Variants in PMFBP1 observed in about 807,000 individuals in gnomAD.
PMFBP1 encodes polyamine-modulated factor 1-binding protein 1.
A neutral mutation model predicts 137.8 loss-of-function variants in PMFBP1; 131 were observed. That is an observed-to-expected ratio of 0.95 (90% CI 0.82 to 1.10). PMFBP1 has a LOEUF of 1.10. Among genes scored for constraint, PMFBP1 ranks in the 50% least tolerant of loss-of-function variants. The pLI, the probability that PMFBP1 is intolerant of heterozygous loss-of-function variation, is 0.00. For synonymous variants in PMFBP1, 490 were observed against 450.4 expected, an observed-to-expected ratio of 1.09 and a Z score of -1.11; for missense variants, 1,199 against 1,175.4, an observed-to-expected ratio of 1.02 and a Z score of -0.29.
At chr16:72,141,233 G>A (rs918414593) in intron 5 of PMFBP1, among the ~76,000 whole-genome samples, 2 of 152,052 alleles carry the variant, frequency 1.3e-5, no homozygotes, top group Non-Finnish European at 1.5e-5. Flanking sequence ...TACCACATCC[G>A]GTGGACAAAT....
At chr16:72,169,697 AG>A (rs767144708) in intron 2 of PMFBP1, among the ~76,000 whole-genome samples, 16 of 152,052 alleles carry the variant, frequency 1.1e-4, no homozygotes, top group Non-Finnish European at 2.2e-4. Context: ...ACACACACAC[AG>A]ATTAACAAAT....
At chr16:72,233,864 T>C in the PMFBP1 span, among the ~76,000 whole-genome samples, 12 of 152,300 alleles carry the variant, frequency 7.9e-5, no homozygotes, top group African/African-American at 2.9e-4. Context: ...CTTCTTTCAC[T>C]TAGCATGATG....
intron 7 of PMFBP1, among the ~76,000 whole-genome samples, chr16:72,137,500 C>T (rs1020984478): frequency 6.6e-6 from 1 of 152,148 alleles, no homozygotes; most frequent in Non-Finnish European, 1.5e-5. Context: ...GGGCTGGCCT[C>T]CCTGCGAAGG....
chr16:72,200,483 TG>T, the PMFBP1 span, among the ~76,000 whole-genome samples: 1 of 152,196 alleles, frequency 6.6e-6, no homozygotes. Context: ...GTAGACAGTG[TG>T]GCCTTCTGGA....
chr16:72,200,133 A>G, the PMFBP1 span, among the ~76,000 whole-genome samples: 318 of 152,344 alleles, frequency 2.1e-3, no homozygotes, highest in South Asian at 4.3e-3. Context: ...GGCCTTTGCC[A>G]AACAGGCTCA....
the PMFBP1 span, among the ~76,000 whole-genome samples, chr16:72,193,713 A>C: frequency 1.5e-5 from 2 of 135,034 alleles, no homozygotes; most frequent in African/African-American, 2.9e-5. Flanking sequence ...AACTGACTTT[A>C]TATCAGTGAG....
the PMFBP1 span, among the ~76,000 whole-genome samples, chr16:72,234,305 T>A: frequency 6.6e-6 from 1 of 152,114 alleles, no homozygotes; most frequent in African/African-American, 2.4e-5. Flanking sequence ...GTGCACAAAC[T>A]ATCTGGGACT....
the PMFBP1 span, among the ~76,000 whole-genome samples, chr16:72,192,293 A>G: frequency 6.6e-6 from 1 of 152,184 alleles, no homozygotes; most frequent in East Asian, 1.9e-4. Context: ...GAAAACACAC[A>G]CATTTCCTCA....
intron 7 of PMFBP1, 148 bp from the exon 8 acceptor site, chr16:72,136,967 G>A: frequency 2.8e-6 from 3 of 1,054,948 alleles, no homozygotes; most frequent in Non-Finnish European, 1.4e-6. Context: ...TGTGCGGAGT[G>A]ACTGCTAATG....
At chr16:72,125,039 G>T in intron 16 of PMFBP1, 105 bp from the exon 17 acceptor site, 1 of 1,450,326 alleles carries the variant, frequency 6.9e-7, no homozygotes, top group Non-Finnish European at 9.4e-7. Context: ...ACGTGTTGGG[G>T]GTATTTTCTT....
chr16:72,120,106 A>G lies in PMFBP1; in HGVS notation c.2769-17T>C, dbSNP rs773350992. 1.6e-5 allele frequency: 26 copies of G among 1,613,988 alleles called. No homozygotes were observed. Among genetic ancestry groups the G allele is most frequent in the Non-Finnish European group, 1.7e-5 (20 of 1,180,034 alleles). On this transcript the variant is annotated splice_polypyrimidine_tract_variant and intron_variant, in intron 19 of 20. Coordinates refer to ENST00000237353, the MANE Select transcript of PMFBP1 (RefSeq NM_031293.3). ...TGGAGGTGGCTGTGGGAAGGAGAGG[A>G]AGGACGGGTTGTGTTGGGGCTGCTG...
At chr16:72,145,242 CAACTGCATGGA>C (rs1465960253) in intron 5 of PMFBP1, among the ~76,000 whole-genome samples, 2 of 152,176 alleles carry the variant, frequency 1.3e-5, no homozygotes, top group Admixed American at 6.5e-5. Flanking sequence ...CAAAACCGCA[CAACTGCATGGA>C]AACTGAACAA....
chr16:72,132,875 T>C lies in PMFBP1; in HGVS notation c.1320A>G (p.Glu440=), dbSNP rs754894761. 3 of 1,614,206 alleles carry C rather than the reference T, an allele frequency of 1.9e-6. No individual in the cohort carries two copies. Among genetic ancestry groups the C allele is most frequent in the Non-Finnish European group, 2.5e-6 (3 of 1,180,042 alleles). The change falls in exon 10 of 21, where the codon GAA becomes GAG. Residue 440 remains glutamate (E), a synonymous_variant. Coordinates refer to ENST00000237353, the MANE Select transcript of PMFBP1 (RefSeq NM_031293.3). Reference sequence around the variant, plus strand: ...TAGCCTCCTTGACTGTCATTTCAAGTTCTGTGGCCATGCACTGCTGCTTCT... The same window carrying C: ...TAGCCTCCTTGACTGTCATTTCAAGCTCTGTGGCCATGCACTGCTGCTTCT... ...ELEKQQCMAT[E]LEMTVKEAKQ...
At chr16:72,229,357 T>G in the PMFBP1 span, among the ~76,000 whole-genome samples, 4 of 152,150 alleles carry the variant, frequency 2.6e-5, no homozygotes, top group African/African-American at 9.7e-5. Flanking sequence ...TTATATTCCT[T>G]TGGGTATGTA....
the PMFBP1 span, among the ~76,000 whole-genome samples, chr16:72,213,464 T>C: frequency 6.6e-6 from 1 of 152,196 alleles, no homozygotes; most frequent in African/African-American, 2.4e-5. Flanking sequence ...GAGAGGCCCA[T>C]GTGACAAGAA....
At chr16:72,246,171 G>A in the PMFBP1 span, among the ~76,000 whole-genome samples, 1 of 152,172 alleles carries the variant, frequency 6.6e-6, no homozygotes, top group East Asian at 1.9e-4. Flanking sequence ...AACAGTATAT[G>A]GTAACAGACA....
At position 72,123,557 on chromosome 16, in the gene PMFBP1, T is replaced by C; in HGVS notation, c.2682A>G (p.Ala894=). ...CCTCCCATACTCACTTCTGCTGTTTTGCCCATTGCTCCAAGTTGGTCATAA... is the reference window on the plus strand; with the variant it reads ...CCTCCCATACTCACTTCTGCTGTTTCGCCCATTGCTCCAAGTTGGTCATAA... ...DQIMTNLEQW[A]KQQKVANEKL... is the part of the protein sequence containing the mutation. Residue 894 remains alanine, a synonymous_variant, in exon 18 of 21, where the codon GCA becomes GCG. Transcript: ENST00000237353. 6.2e-7 allele frequency: 1 copy of C among 1,614,116 alleles called. No homozygotes were observed. Among genetic ancestry groups the C allele is most frequent in the South Asian group, 1.1e-5 (1 of 91,070 alleles).
the PMFBP1 span, among the ~76,000 whole-genome samples, chr16:72,213,477 C>G: frequency 6.6e-6 from 1 of 152,152 alleles, no homozygotes; most frequent in South Asian, 2.1e-4. Flanking sequence ...GACAAGAAAC[C>G]AAGGGAGGGC....
intron 19 of PMFBP1, among the ~76,000 whole-genome samples, chr16:72,121,793 C>T (rs1349414711): frequency 6.6e-6 from 1 of 152,106 alleles, no homozygotes; most frequent in Non-Finnish European, 1.5e-5. Flanking sequence ...CCTGGTTAGG[C>T]TCATTTTTAA....
Sources: gnomAD v4.1 joint callset for allele counts (sites outside exome capture counted in the v4.1 genomes callset) on GRCh38, gnomAD v4.1.1 for gene constraint, MANE v1.5 for transcripts, NCBI Gene and HGNC (gene_info 2026-07-23, HGNC 2026-07-21) for gene names.